MMS19: variants seen among roughly 807,000 people sequenced by gnomAD.
MMS19 encodes the protein MMS19 cytosolic iron-sulfur assembly component.
Under a neutral mutation model 129.8 loss-of-function variants are expected in MMS19, and 77 were observed. The observed-to-expected ratio is 0.59, with a 90% CI of 0.49 to 0.72. The LOEUF is 0.72. MMS19 is among the 30% of genes least tolerant of loss of function. The pLI, the probability that MMS19 is intolerant of heterozygous loss-of-function variation, is 0.00. For synonymous variants in MMS19, 491 were observed against 502.8 expected (o/e 0.98, Z 0.31); for missense variants, 1,168 against 1,266.3 (o/e 0.92, Z 1.18).
intron 8 of MMS19, among the ~76,000 whole-genome samples, chr10:97,473,520 G>GA (rs1218371418): frequency 6.6e-6 from 1 of 150,988 alleles, no homozygotes. Context: ...GTGAACTCAG[G>GA]AAACAGGAGA....
intron 1 of MMS19, among the ~76,000 whole-genome samples, chr10:97,497,657 G>A (rs1440369741): frequency 6.6e-6 from 1 of 152,100 alleles, no homozygotes; most frequent in Non-Finnish European, 1.5e-5. Flanking sequence ...GGGGGTCTGG[G>A]AAGAAGACAA....
intron 2 of MMS19, among the ~76,000 whole-genome samples, chr10:97,483,386 G>A (rs1220337737): frequency 6.6e-6 from 1 of 152,068 alleles, no homozygotes; most frequent in Non-Finnish European, 1.5e-5. Context: ...ATGGACCAAG[G>A]CCACCACAAT....
At chr10:97,480,699 C>A (rs1021033935) in intron 3 of MMS19, among the ~76,000 whole-genome samples, 1 of 152,178 alleles carries the variant, frequency 6.6e-6, no homozygotes, top group African/African-American at 2.4e-5. Flanking sequence ...CCTGCCTCAG[C>A]CACCCAAGTA....
chr10:97,466,088 A>G lies in MMS19; in HGVS notation c.1577T>C (p.Val526Ala). 6.2e-7 allele frequency: 1 copy of G among 1,611,570 alleles called. No homozygotes were observed. The highest frequency in any genetic ancestry group is 1.7e-4 in the Middle Eastern group (1 of 6,058). Reference protein sequence around the residue: ...LYPVAFSSHLVPKLAEELRVG... With the variant: ...LYPVAFSSHLAPKLAEELRVG... The stretch of plus-strand genomic sequence containing the variant: ...ACGCAGCTCCTCAGCGAGCTTGGGT[A>G]CGAGGTGGCTGCTGAAGGCCACAGG... Residue 526 changes from valine to alanine, a missense_variant, in exon 17 of 31, where the codon GTA (valine) becomes GCA (alanine). Transcript: ENST00000438925.
In MMS19 at chr10:97,459,983, A is replaced by T. The variant is rs1006562935; in HGVS notation, c.2656+63T>A. The T allele has an allele frequency of 5.2e-6, 8 of 1,547,148 alleles. No homozygotes were observed. In the African/African-American group the frequency reaches 1.1e-4, roughly 21 times the overall value. ...AAGCAAGCGGGCCCTAAATTATCTT[A>T]GGGAATGTGGCCAAGCAAAGGAGAG... On this transcript the variant is annotated intron_variant, in intron 26 of 30. Transcript: ENST00000438925.
intron 14 of MMS19, 50 bp from the exon 15 acceptor site, chr10:97,466,951 T>C (rs748084371): frequency 6.2e-7 from 1 of 1,609,526 alleles, no homozygotes; most frequent in Admixed American, 1.7e-5. Context: ...GCATTCCATA[T>C]CCCTGACTAA....
chr10:97,463,060 T>C (rs976188455), intron 19 of MMS19: 3 of 226,138 alleles, frequency 1.3e-5, no homozygotes, highest in Non-Finnish European at 2.6e-5. Flanking sequence ...TTTATCTTCA[T>C]GGGTCCTTAT....
At chr10:97,470,651 G>C in intron 9 of MMS19, 124 bp downstream of exon 9, 1 of 616,540 alleles carries the variant, frequency 1.6e-6, no homozygotes, top group Non-Finnish European at 2.9e-6. Flanking sequence ...TGCCACACAA[G>C]ACACTTGCAG....
At chr10:97,460,383 C>T in intron 25 of MMS19, 151 bp from the exon 26 acceptor site, 2 of 691,802 alleles carry the variant, frequency 2.9e-6, no homozygotes, top group Non-Finnish European at 4.7e-6. Context: ...GGAGTCTGGG[C>T]AACATGGCCA....
intron 8 of MMS19, among the ~76,000 whole-genome samples, chr10:97,474,407 G>A (rs538860713): frequency 7.2e-5 from 11 of 152,194 alleles, no homozygotes; most frequent in African/African-American, 2.4e-4. Flanking sequence ...AAATTAGTCA[G>A]GCATGGTGGC....
rs1020514149 is a variant in MMS19, at chr10:97,480,749, A to G, written c.262+193T>C. The G allele has an allele frequency of 8.2e-5, 48 of 582,822 alleles. No individual in the cohort carries two copies. The African/African-American group carries it at 8.8e-4, about 11-fold the overall frequency. The allele number at this position is 582,822 out of a possible 1,614,324, so 36.1% of individuals were successfully genotyped here. A position where few individuals can be genotyped will look rare whatever the true frequency, so the allele number is the denominator to read the frequency against. ...ACACCATGCCCAGCTAACGTTTTAT[A>G]TTGAAATCCATGTGTCTTGTGTCTC... On this transcript the variant is annotated intron_variant, in intron 3 of 30. Coordinates refer to ENST00000438925, the MANE Select transcript of MMS19 (RefSeq NM_022362.5).
chr10:97,459,605 T>A, intron 27 of MMS19, 54 bp downstream of exon 27: 1 of 1,598,932 alleles, frequency 6.3e-7, no homozygotes, highest in Non-Finnish European at 8.5e-7. Flanking sequence ...TCTAGCCCCA[T>A]CTGGGGAAGA....
intron 8 of MMS19, among the ~76,000 whole-genome samples, 186 bp downstream of exon 8, chr10:97,476,497 A>G (rs755965702): frequency 2.0e-5 from 3 of 152,160 alleles, no homozygotes; most frequent in South Asian, 4.1e-4. Context: ...ATTCCCCCCA[A>G]TACATGCTGC....
chr10:97,495,491 T>C (rs2039626642), intron 1 of MMS19, among the ~76,000 whole-genome samples: 1 of 152,232 alleles, frequency 6.6e-6, no homozygotes, highest in Admixed American at 6.5e-5. Flanking sequence ...CTAACAAAGC[T>C]TGATTTAGGC....
intron 1 of MMS19, among the ~76,000 whole-genome samples, chr10:97,489,130 C>A (rs2038428632): frequency 6.6e-6 from 1 of 152,102 alleles, no homozygotes; most frequent in East Asian, 1.9e-4. Context: ...CATGAGCCAA[C>A]ACACCGGGCC....
intron 1 of MMS19, among the ~76,000 whole-genome samples, chr10:97,497,107 G>T (rs906312318): frequency 6.6e-6 from 1 of 152,130 alleles, no homozygotes; most frequent in Non-Finnish European, 1.5e-5. Flanking sequence ...GCAGCACCAG[G>T]TATTTGCTCC....
chr10:97,458,694 A>G lies in MMS19; in HGVS notation c.3091T>C (p.Ter1031ArgextTer17), dbSNP rs1261497434. 1 of 1,608,016 alleles carries G rather than the reference A, an allele frequency of 6.2e-7. No homozygotes were observed. Among genetic ancestry groups the G allele is most frequent in the Non-Finnish European group, 8.5e-7 (1 of 1,177,126 alleles). Reference protein sequence around the residue: ...EWFLLGSPGS* With the variant: ...EWFLLGSPGSR ...CAGTCTAGGCCAGGACTGAGGGCTC[A>G]GCTGCCAGGGCTCCCCAACAGAAAC... The change falls in exon 31 of 31, where the codon TGA becomes CGA. Residue 1031 changes from the stop codon to arginine, a stop_lost. Transcript: ENST00000438925.
intron 1 of MMS19, among the ~76,000 whole-genome samples, chr10:97,485,474 G>A (rs1357542287): frequency 1.3e-5 from 2 of 152,142 alleles, no homozygotes; most frequent in Non-Finnish European, 2.9e-5. Context: ...CACCACGCCT[G>A]GCTAATTTTT....
intron 1 of MMS19, among the ~76,000 whole-genome samples, chr10:97,488,094 A>T (rs915183904): frequency 2.6e-5 from 4 of 152,190 alleles, no homozygotes; most frequent in African/African-American, 9.6e-5. Context: ...GTCTCAAAAT[A>T]AATAAATAAA....
Sources: gnomAD v4.1 joint callset for allele counts (sites outside exome capture counted in the v4.1 genomes callset) on GRCh38, gnomAD v4.1.1 for gene constraint, MANE v1.5 for transcripts, NCBI Gene and HGNC (gene_info 2026-07-23, HGNC 2026-07-21) for gene names.